The following DEPDC5 variants were observed in gnomAD, a reference collection of about 807,000 sequenced individuals.
DEPDC5 encodes the protein GATOR1 complex protein DEPDC5.
DEPDC5 carries 73 observed loss-of-function variants against 217.3 expected under a neutral mutation model. That is an observed-to-expected ratio of 0.34 (90% CI 0.28 to 0.41). The LOEUF (loss-of-function observed/expected upper bound fraction) is 0.41, where lower values mean the gene tolerates loss of function less well. Ranked by LOEUF, DEPDC5 falls within the 10% of genes least tolerant of loss-of-function variation. DEPDC5 has a pLI of 1.00. For synonymous variants in DEPDC5, 733 were observed against 756.7 expected (o/e 0.97, Z 0.51); for missense variants, 1,675 against 2,070.1 (o/e 0.81, Z 3.70).
At chr22:31,846,097 G>A (rs745891318) in intron 30 of DEPDC5, among the ~76,000 whole-genome samples, 6 of 152,132 alleles carry the variant, frequency 3.9e-5, no homozygotes, top group East Asian at 1.9e-4. Context: ...ACAGGCATGA[G>A]CCACCATGCC....
chr22:31,846,955 A>T lies in DEPDC5; in HGVS notation c.3143A>T (p.Glu1048Val). The change falls in exon 31 of 43, where the codon GAG becomes GTG. Residue 1048 changes from glutamate to valine, a missense_variant. By Grantham distance (121) the Glu-to-Val change is moderately radical. Transcript: ENST00000651528. ...GCTCTCTCTGCCCTGTTGGAGATGGAGGCCAGTCAGAAGTAAGTGCTTGGT... is the reference window on the plus strand; with the variant it reads ...GCTCTCTCTGCCCTGTTGGAGATGGTGGCCAGTCAGAAGTAAGTGCTTGGT... ...TSALSALLEMEASQKCLGEQQ... is the reference protein window; with the variant it reads ...TSALSALLEMVASQKCLGEQQ... The T allele has an allele frequency of 6.2e-7, 1 of 1,614,234 alleles. No individual in the cohort carries two copies. Among genetic ancestry groups the T allele is most frequent in the Non-Finnish European group, 8.5e-7 (1 of 1,180,024 alleles).
chr22:31,900,599 C>T (rs1477516187), intron 40 of DEPDC5, among the ~76,000 whole-genome samples: 2 of 151,804 alleles, frequency 1.3e-5, no homozygotes, highest in Non-Finnish European at 2.9e-5. Flanking sequence ...ATTAGCTGGG[C>T]GCTGTGGCAC....
chr22:31,848,816 T>G (rs899916898), intron 31 of DEPDC5, among the ~76,000 whole-genome samples: 4 of 152,228 alleles, frequency 2.6e-5, no homozygotes, highest in Non-Finnish European at 5.9e-5. Flanking sequence ...GTTTCCAAAC[T>G]TTTATGCTCT....
chr22:31,855,352 A>C (rs1019734155), intron 31 of DEPDC5, among the ~76,000 whole-genome samples: 7 of 151,838 alleles, frequency 4.6e-5, no homozygotes, highest in African/African-American at 1.7e-4. Flanking sequence ...AGGATGAAAC[A>C]ATGTGTGAGT....
At chr22:31,898,769 G>C (rs1426527160) in intron 40 of DEPDC5, among the ~76,000 whole-genome samples, 1 of 152,150 alleles carries the variant, frequency 6.6e-6, no homozygotes, top group Middle Eastern at 3.2e-3. Flanking sequence ...TAGACACAAT[G>C]TTCTAAGTGA....
intron 29 of DEPDC5, 81 bp from the exon 30 acceptor site, chr22:31,844,937 A>G (rs1454930639): frequency 6.9e-7 from 1 of 1,442,460 alleles, no homozygotes; most frequent in African/African-American, 1.4e-5. Flanking sequence ...TTCACACACC[A>G]ACTCCACAGA....
At position 31,898,736 on chromosome 22, in the gene DEPDC5, T is replaced by C. The variant is rs115478403; in HGVS notation, c.4375+1083T>C. Among the ~76,000 whole-genome samples, 1,303 of 152,300 alleles carry C rather than the reference T, an allele frequency of 8.6e-3. 18 individuals carry two copies. The highest frequency in any genetic ancestry group is 0.03 in the African/African-American group (1,248 of 41,568). On this transcript the variant is annotated intron_variant, in intron 40 of 42. Transcript: ENST00000651528. ...AAAGCCCATCCGTGTATTTTTTGTTTGCAGTTTGGAAGATTTTTTTTATAG... is the reference window on the plus strand; with the variant it reads ...AAAGCCCATCCGTGTATTTTTTGTTCGCAGTTTGGAAGATTTTTTTTATAG...
At chr22:31,812,713 C>T (rs551762161) in intron 20 of DEPDC5, among the ~76,000 whole-genome samples, 11 of 146,962 alleles carry the variant, frequency 7.5e-5, no homozygotes, top group East Asian at 2.0e-4. Flanking sequence ...CGTGAGCCAC[C>T]GCGCCCGGCC....
At chr22:31,788,306 C>T (rs1250770577) in intron 10 of DEPDC5, among the ~76,000 whole-genome samples, 1 of 137,784 alleles carries the variant, frequency 7.3e-6, no homozygotes, top group Non-Finnish European at 1.5e-5. Context: ...CAGAGTCTCG[C>T]CATGTTGCCC....
intron 12 of DEPDC5, among the ~76,000 whole-genome samples, chr22:31,793,374 A>G (rs1259291262): frequency 2.0e-5 from 3 of 152,142 alleles, no homozygotes; most frequent in Non-Finnish European, 2.9e-5. Flanking sequence ...TCAGAGAAGA[A>G]GAGCAAATAA....
At chr22:31,783,774 T>A in intron 8 of DEPDC5, 133 bp from the exon 9 acceptor site, 1 of 633,528 alleles carries the variant, frequency 1.6e-6, no homozygotes, top group South Asian at 4.0e-5. Flanking sequence ...ATCTTAACCA[T>A]TTTTAAGTGT....
At chr22:31,764,214 G>A (rs761848221) in intron 4 of DEPDC5, among the ~76,000 whole-genome samples, 1 of 152,040 alleles carries the variant, frequency 6.6e-6, no homozygotes, top group Non-Finnish European at 1.5e-5. Context: ...GATTTTAAAA[G>A]AATTCTATAA....
chr22:31,803,299 C>T (rs1388695422), intron 15 of DEPDC5, among the ~76,000 whole-genome samples: 1 of 152,010 alleles, frequency 6.6e-6, no homozygotes, highest in Admixed American at 6.6e-5. Context: ...CAAGCTCCGC[C>T]TCCTGGGTTC....
intron 8 of DEPDC5, among the ~76,000 whole-genome samples, chr22:31,781,252 G>T (rs1601782846): frequency 1.3e-5 from 2 of 150,152 alleles, no homozygotes; most frequent in South Asian, 2.1e-4. Flanking sequence ...AAAAAACAAA[G>T]AATTTATTAT....
In DEPDC5 at chr22:31,804,861, C is replaced by T; in HGVS notation, c.1163C>T (p.Pro388Leu). 1 of 1,613,936 alleles carries T rather than the reference C, an allele frequency of 6.2e-7. No homozygotes were observed. The highest frequency in any genetic ancestry group is 8.5e-7 in the Non-Finnish European group (1 of 1,179,888). The change falls in exon 17 of 43, where the codon CCC becomes CTC. Residue 388 changes from proline (P) to leucine (L), a missense_variant. By Grantham distance (98) the Pro-to-Leu change is moderately conservative. Around this residue, in one of 11 missense-constraint regions of DEPDC5, gnomAD observed 628 missense variants for 762.1 expected, o/e 0.82. Coordinates refer to ENST00000651528, the MANE Select transcript of DEPDC5 (RefSeq NM_001242896.3). The stretch of plus-strand genomic sequence containing the variant: ...TTGCAGCTCCATAATCGGAGTGCTC[C>T]CCGTGATTCTCGTCTGGGCGATGAC... Reference protein sequence around the residue: ...PLFKLHNRSAPRDSRLGDDYN... With the variant: ...PLFKLHNRSALRDSRLGDDYN...
intron 31 of DEPDC5, among the ~76,000 whole-genome samples, chr22:31,855,938 A>T (rs2092270807): frequency 6.6e-6 from 1 of 152,106 alleles, no homozygotes; most frequent in South Asian, 2.1e-4. Flanking sequence ...AGATAAGAAA[A>T]GTGTTGCAAA....
chr22:31,857,832 T>C (rs1298235109), intron 32 of DEPDC5: 1 of 284,904 alleles, frequency 3.5e-6, no homozygotes, highest in Non-Finnish European at 6.5e-6. Context: ...GGAGGATCAC[T>C]TGAGCCCAGG....
At chr22:31,821,725 G>A (rs2089717310) in intron 23 of DEPDC5, 88 bp downstream of exon 23, 14 of 1,544,702 alleles carry the variant, frequency 9.1e-6, no homozygotes, top group African/African-American at 1.4e-5. Flanking sequence ...TTGACAAAAT[G>A]TTGTTTAGAA....
chr22:31,861,255 A>AT, intron 32 of DEPDC5, 113 bp from the exon 33 acceptor site: 3 of 615,186 alleles, frequency 4.9e-6, no homozygotes, highest in East Asian at 7.5e-5. Flanking sequence ...TTTTATTTTT[A>AT]TTTTTTGTTT....
Sources: gnomAD v4.1 joint callset for allele counts (sites outside exome capture counted in the v4.1 genomes callset) on GRCh38, gnomAD v4.1.1 for gene constraint, gnomAD v4.1.1 regional missense constraint, MANE v1.5 for transcripts, NCBI Gene and HGNC (gene_info 2026-07-23, HGNC 2026-07-21) for gene names.